RPH3A: variants seen among roughly 807,000 people sequenced by gnomAD.
RPH3A encodes the protein rabphilin-3A.
In RPH3A, 48 loss-of-function variants were observed where a neutral mutation model predicts 102.2. That is an observed-to-expected ratio of 0.47 (90% confidence interval 0.37 to 0.60). The LOEUF is 0.60. Among genes scored for constraint, RPH3A ranks in the 20% least tolerant of loss-of-function variants. The probability of loss-of-function intolerance (pLI) is 0.00; values close to 1 mark genes in which losing one functional copy is unlikely to be tolerated. For missense variants in RPH3A, 781 were observed against 910.1 expected (o/e 0.86, Z 1.83); for synonymous variants, 310 against 324.3 (o/e 0.96, Z 0.47).
chr12:112,713,055 CTTCTT>C (rs1565857509), intron 1 of RPH3A, among the ~76,000 whole-genome samples: 6 of 62,910 alleles, frequency 9.5e-5, no homozygotes, highest in South Asian at 6.8e-4. Context: ...TCTTCTCCTT[CTTCTT>C]CTTCTTCTTC....
intron 1 of RPH3A, among the ~76,000 whole-genome samples, chr12:112,613,472 A>G (rs74938461): frequency 0.039 from 5,915 of 152,154 alleles, 225 homozygotes; most frequent in African/African-American, 0.093. Context: ...CTAATTCTGG[A>G]GCCCATGGAT....
In RPH3A at chr12:112,873,172, A is replaced by G. The variant is rs758893288; in HGVS notation, c.797-1912A>G. 8.1e-4 allele frequency among the ~76,000 whole-genome samples: 124 copies of G among 152,234 alleles called. 1 individual carries two copies. The highest frequency in any genetic ancestry group is 5.4e-3 in the Admixed American group (82 of 15,288). The stretch of plus-strand genomic sequence containing the variant: ...TAATAACAACTTAAACTTATTGAGC[A>G]TCTACTCTCTGCCGGGTATGTGATT... On this transcript the variant is annotated intron_variant, in intron 10 of 21. Coordinates refer to ENST00000389385, the MANE Select transcript of RPH3A (RefSeq NM_001143854.2).
chr12:112,671,261 C>T (rs1238941044), intron 1 of RPH3A, among the ~76,000 whole-genome samples: 2 of 152,172 alleles, frequency 1.3e-5, no homozygotes, highest in Non-Finnish European at 2.9e-5. Context: ...ATTTCTTTCT[C>T]AGTGAGAGTC....
intron 1 of RPH3A, among the ~76,000 whole-genome samples, chr12:112,585,105 G>A (rs1200087001): frequency 6.6e-6 from 1 of 152,198 alleles, no homozygotes; most frequent in African/African-American, 2.4e-5. Context: ...AAGGCAGGAA[G>A]CATCCAGCAG....
At chr12:112,828,254 G>T in intron 2 of RPH3A, 47 bp from the exon 3 acceptor site, 3 of 1,307,834 alleles carry the variant, frequency 2.3e-6, no homozygotes, top group Non-Finnish European at 3.3e-6. Flanking sequence ...GAACTAAGGA[G>T]TGGCTGAATG....
intron 2 of RPH3A, among the ~76,000 whole-genome samples, chr12:112,810,005 T>G (rs530358560): frequency 1.3e-5 from 2 of 152,212 alleles, no homozygotes. Flanking sequence ...ATGGCTTCGG[T>G]ATCCCCAGAT....
At chr12:112,652,943 C>T (rs1408835670) in intron 1 of RPH3A, among the ~76,000 whole-genome samples, 1 of 152,112 alleles carries the variant, frequency 6.6e-6, no homozygotes, top group Admixed American at 6.5e-5. Context: ...CCTATTGTAC[C>T]ACTAGGCTGT....
At chr12:112,888,023 G>T in intron 17 of RPH3A, 100 bp downstream of exon 17, 1 of 1,348,350 alleles carries the variant, frequency 7.4e-7, no homozygotes, top group Non-Finnish European at 1.0e-6. Flanking sequence ...ACGGGGTATT[G>T]GGTAGCAGAG....
At chr12:112,612,118 T>A (rs1398577689) in intron 1 of RPH3A, among the ~76,000 whole-genome samples, 2 of 152,184 alleles carry the variant, frequency 1.3e-5, no homozygotes, top group Admixed American at 1.3e-4. Flanking sequence ...CTGCTTTAAA[T>A]AAGGAGCAAT....
intron 16 of RPH3A, among the ~76,000 whole-genome samples, chr12:112,886,577 G>T (rs1342090157): frequency 6.6e-6 from 1 of 152,130 alleles, no homozygotes; most frequent in African/African-American, 2.4e-5. Context: ...GTTCCTAACA[G>T]GCCACAGACT....
intron 1 of RPH3A, among the ~76,000 whole-genome samples, chr12:112,616,291 C>T (rs2039678944): frequency 6.6e-6 from 1 of 152,110 alleles, no homozygotes; most frequent in South Asian, 2.1e-4. Flanking sequence ...GGATTACAGG[C>T]ACCTGCCACC....
chr12:112,751,499 C>T (rs115404407), intron 1 of RPH3A, among the ~76,000 whole-genome samples: 1 of 152,152 alleles, frequency 6.6e-6, no homozygotes, highest in Admixed American at 6.5e-5. Flanking sequence ...AGTGTGAGGC[C>T]TGGCATGAAG....
chr12:112,735,070 G>A (rs1000307744), intron 1 of RPH3A, among the ~76,000 whole-genome samples: 2 of 152,160 alleles, frequency 1.3e-5, no homozygotes, highest in Admixed American at 6.5e-5. Flanking sequence ...ACTCTGGTTC[G>A]AACACCTCTG....
chr12:112,796,995 A>G (rs1212419252), intron 2 of RPH3A, among the ~76,000 whole-genome samples: 2 of 152,164 alleles, frequency 1.3e-5, no homozygotes, highest in East Asian at 3.8e-4. Flanking sequence ...GGTTACAGTG[A>G]GTCGAGATCA....
chr12:112,708,719 C>T (rs1342867963), intron 1 of RPH3A, among the ~76,000 whole-genome samples: 3 of 152,122 alleles, frequency 2.0e-5, no homozygotes, highest in Admixed American at 1.3e-4. Flanking sequence ...TGTATCTGAT[C>T]TCCATGACCT....
intron 1 of RPH3A, among the ~76,000 whole-genome samples, chr12:112,713,171 A>T (rs986575832): frequency 2.7e-5 from 4 of 150,110 alleles, no homozygotes; most frequent in Non-Finnish European, 5.9e-5. Flanking sequence ...GGTTCAAGGG[A>T]TCCTCATGCC....
At chr12:112,806,094 A>G (rs2041455939) in intron 2 of RPH3A, among the ~76,000 whole-genome samples, 1 of 152,214 alleles carries the variant, frequency 6.6e-6, no homozygotes, top group African/African-American at 2.4e-5. Flanking sequence ...TTCTTTCAGC[A>G]CCCATACATA....
At chr12:112,606,325 T>C (rs2039596371) in intron 1 of RPH3A, among the ~76,000 whole-genome samples, 1 of 152,198 alleles carries the variant, frequency 6.6e-6, no homozygotes. Flanking sequence ...CTAGTTCTCA[T>C]ATGCTATAAA....
At chr12:112,890,582 C>T (rs951505162) in intron 18 of RPH3A, among the ~76,000 whole-genome samples, 5 of 152,124 alleles carry the variant, frequency 3.3e-5, no homozygotes, top group South Asian at 2.1e-4. Flanking sequence ...ATCAGTGACC[C>T]GGAGCAAGTT....
Sources: allele counts gnomAD v4.1 joint callset (sites outside exome capture counted in the v4.1 genomes callset), GRCh38; gene constraint gnomAD v4.1.1; transcripts MANE v1.5; gene names NCBI Gene and HGNC (gene_info 2026-07-23, HGNC 2026-07-21).